The following ABCB6 variants were observed in gnomAD, a reference collection of about 807,000 sequenced individuals.
ABCB6 encodes the protein ATP binding cassette subfamily B member 6 (LAN blood group).
A neutral mutation model predicts 99.4 loss-of-function variants in ABCB6; 87 were observed. The ratio of observed to expected loss-of-function variants is 0.88; its 90% confidence interval spans 0.74 to 1.05. The LOEUF (loss-of-function observed/expected upper bound fraction) is 1.05. Among genes scored for constraint, ABCB6 ranks in the 50% least tolerant of loss-of-function variants. ABCB6 has a pLI of 0.00. For missense variants in ABCB6, 1,050 were observed against 1,097.9 expected, an observed-to-expected ratio of 0.96 and a Z score of 0.62; for synonymous variants, 482 against 447.5, an observed-to-expected ratio of 1.08 and a Z score of -0.97.
Position 219,218,856 on chromosome 2 carries a change from C to A in ABCB6, c.-183G>T. On this transcript the variant is annotated 5_prime_UTR_variant, in exon 1 of 19. Coordinates refer to ENST00000265316, the MANE Select transcript of ABCB6 (RefSeq NM_005689.4). ...CCTCACCGCCCACTCCCCTAGCGCA[C>A]GCGCCGCCGCCACGCACTCACGCAG... The A allele has an allele frequency of 1.6e-6, 1 of 614,770 alleles. No individual in the cohort carries two copies. The highest frequency in any genetic ancestry group is 2.6e-6 in the Non-Finnish European group (1 of 378,996). The allele number at this position is 614,770 out of a possible 1,614,324, so 38.1% of individuals were successfully genotyped here. A position where few individuals can be genotyped will look rare whatever the true frequency, so the allele number is the denominator to read the frequency against.
At chr2:219,214,912 G>T in intron 6 of ABCB6, 49 bp downstream of exon 6, 1 of 1,610,710 alleles carries the variant, frequency 6.2e-7, no homozygotes, top group Non-Finnish European at 8.5e-7. Flanking sequence ...TCATGGCCAA[G>T]GGAGTCCCTG....
intron 9 of ABCB6, 36 bp downstream of exon 9, chr2:219,213,790 T>C (rs201609106): frequency 1.9e-6 from 3 of 1,613,580 alleles, no homozygotes; most frequent in Non-Finnish European, 2.5e-6. Context: ...CCCCTTTTCC[T>C]TGTGCCCCAC....
rs1024153224 is a variant in ABCB6, at chr2:219,216,478, C to T, written c.869-13G>A. 7.4e-6 allele frequency: 12 copies of T among 1,612,528 alleles called. No individual in the cohort carries two copies. Among genetic ancestry groups the T allele is most frequent in the East Asian group, 4.5e-5 (2 of 44,866 alleles). ...GTCAGCAAGTTCACTGTGGAGGAAA[C>T]GAGTCAGAACCCACTTATGGCGCCC... On this transcript the variant is annotated splice_polypyrimidine_tract_variant and intron_variant, in intron 3 of 18. Transcript: ENST00000265316. The surrounding 1 kb of genome is among the most constrained non-coding windows in gnomAD (Gnocchi z 4.2).
At chr2:219,212,603 A>C (rs1574811496) in intron 13 of ABCB6, 112 bp from the exon 14 acceptor site, 2 of 774,338 alleles carry the variant, frequency 2.6e-6, no homozygotes, top group Non-Finnish European at 4.3e-6. Context: ...GCTCACTAGA[A>C]CCTCTGCCTC....
In ABCB6 at chr2:219,213,665, A is replaced by G. The variant is rs199710050; in HGVS notation, c.1580T>C (p.Val527Ala). 9.3e-6 allele frequency: 15 copies of G among 1,613,924 alleles called. No homozygotes were observed. The highest frequency in any genetic ancestry group is 4.5e-5 in the East Asian group (2 of 44,878). Residue 527 changes from valine (V) to alanine (A), a missense_variant and splice_region_variant, in exon 10 of 19, where the codon GTT becomes GCT. Val to Ala is a moderately conservative substitution (Grantham distance 64). Transcript: ENST00000265316. ...AYFVTEQKLQ[V>A]GDYVLFGTYI... Reference sequence around the variant, plus strand: ...GGTGCCAAAGAGCACATAGTCCCCAACCTGTGGCAATCAAGGAAGCAGAGC... The same window carrying G: ...GGTGCCAAAGAGCACATAGTCCCCAGCCTGTGGCAATCAAGGAAGCAGAGC...
At chr2:219,218,045 G>C in intron 1 of ABCB6, 80 bp downstream of exon 1, 1 of 1,499,386 alleles carries the variant, frequency 6.7e-7, no homozygotes. Context: ...CTAAAGCCTG[G>C]AAGCAGTGTG....
At position 219,211,025 on chromosome 2, in the gene ABCB6, G is replaced by C; in HGVS notation, c.2052C>G (p.Ile684Met). The C allele has an allele frequency of 6.2e-7, 1 of 1,614,164 alleles. No individual in the cohort carries two copies. The highest frequency in any genetic ancestry group is 8.5e-7 in the Non-Finnish European group (1 of 1,180,028). The stretch of plus-strand genomic sequence containing the variant: ...TCCCAGCTGTGACACGGCCGTAACG[G>C]ATATTGTCGGCGATGGTGTCATTAA... ...VLFNDTIADN[I>M]RYGRVTAGND... Residue 684 changes from isoleucine (I) to methionine (M), a missense_variant, in exon 15 of 19, where the codon ATC (isoleucine) becomes ATG (methionine). Coordinates refer to ENST00000265316, the MANE Select transcript of ABCB6 (RefSeq NM_005689.4).
chr2:219,216,917 G>A lies in ABCB6; in HGVS notation c.688-85C>T, dbSNP rs1264840676. On this transcript the variant is annotated intron_variant, in intron 2 of 18. Transcript: ENST00000265316. The surrounding 1 kb of genome is among the most constrained non-coding windows in gnomAD (Gnocchi z 4.2). ...AACCCTTCAGGGAAAAACCTATGGGGTTACAGCTCCCAGGTATCTCAGACC... is the reference window on the plus strand; with the variant it reads ...AACCCTTCAGGGAAAAACCTATGGGATTACAGCTCCCAGGTATCTCAGACC... The A allele has an allele frequency of 5.6e-6, 7 of 1,259,136 alleles. No individual in the cohort carries two copies. The highest frequency in any genetic ancestry group is 7.5e-6 in the Non-Finnish European group (7 of 927,458). The allele number at this position is 1,259,136 out of a possible 1,614,324, so 78.0% of individuals were successfully genotyped here.
At chr2:219,214,803 C>T (rs1036053499) in intron 6 of ABCB6, 158 bp downstream of exon 6, 1 of 821,438 alleles carries the variant, frequency 1.2e-6, no homozygotes, top group Non-Finnish European at 1.9e-6. Context: ...TTTGATTTGA[C>T]AGAAGAGACC....
In ABCB6 at chr2:219,218,125, C is replaced by G. The variant is rs551637880; in HGVS notation, c.549G>C (p.Gln183His). 19 of 1,600,200 alleles carry G rather than the reference C, an allele frequency of 1.2e-5. No homozygotes were observed. Among genetic ancestry groups the G allele is most frequent in the Non-Finnish European group, 1.5e-5 (18 of 1,172,736 alleles). ...WWWARADLGQ[Q>H]VQFSLWVLRY... ...TCCCCCTTCCCACAGAGTCCCTCAC[C>G]TGCTGGCCCAAGTCTGCCCTTGCCC... Residue 183 changes from glutamine to histidine, a missense_variant and splice_region_variant, in exon 1 of 19, where the codon CAG becomes CAC. Coordinates refer to ENST00000265316, the MANE Select transcript of ABCB6 (RefSeq NM_005689.4).
intron 1 of ABCB6, 27 bp downstream of exon 1, chr2:219,218,098 C>A: frequency 6.3e-7 from 1 of 1,574,830 alleles, no homozygotes; most frequent in South Asian, 1.2e-5. Flanking sequence ...CCAGCAGAGG[C>A]TTCCCCCTTC....
Position 219,210,787 on chromosome 2 carries a change from A to G in ABCB6, c.2180T>C (p.Leu727Pro). The G allele has an allele frequency of 1.2e-6, 2 of 1,613,828 alleles. No homozygotes were observed. Among genetic ancestry groups the G allele is most frequent in the Non-Finnish European group, 1.7e-6 (2 of 1,180,000 alleles). ...RTQVGERGLK[L>P]SGGEKQRVAI... is the part of the protein sequence containing the mutation. ...GACGCGCTGCTTCTCCCCGCCGCTC[A>G]GCTTCAGTCCCCGCTCGCCCACCTG... Residue 727 changes from leucine (L) to proline (P), a missense_variant, in exon 16 of 19, where the codon CTG becomes CCG. Physicochemically the swap from Leu to Pro is moderately conservative, Grantham distance 98. Coordinates refer to ENST00000265316, the MANE Select transcript of ABCB6 (RefSeq NM_005689.4).
chr2:219,214,042 C>T (rs1358476817), intron 8 of ABCB6, 79 bp downstream of exon 8: 7 of 1,612,752 alleles, frequency 4.3e-6, no homozygotes, highest in Admixed American at 1.7e-5. Flanking sequence ...TACCCCAACA[C>T]TCGACTATCA....
At chr2:219,215,149 C>A in intron 5 of ABCB6, 67 bp from the exon 6 acceptor site, 1 of 1,599,798 alleles carries the variant, frequency 6.3e-7, no homozygotes, top group Non-Finnish European at 8.5e-7. Context: ...TGCCTCTAGG[C>A]ATTTCAGGGT....
At position 219,213,031 on chromosome 2, in the gene ABCB6, TCA is replaced by T; in HGVS notation, c.1838_1839del (p.Val613AspfsTer64). 1 of 1,613,978 alleles carries T rather than the reference TCA, an allele frequency of 6.2e-7. No individual in the cohort carries two copies. On this transcript the variant is annotated frameshift_variant, in exon 13 of 19. Coordinates refer to ENST00000265316, the MANE Select transcript of ABCB6 (RefSeq NM_005689.4). LOFTEE classifies it high-confidence loss of function. ...RETLQDVSFT[V>X]MPGQTLALVG... ...ACCAGGGCAAGTGTCTGTCCAGGCATCACAGTGAAAGACACGTCCTGCAGAGT... is the reference window on the plus strand; with the variant it reads ...ACCAGGGCAAGTGTCTGTCCAGGCATCAGTGAAAGACACGTCCTGCAGAGT...
Position 219,214,416 on chromosome 2 carries a change from T to C in ABCB6, c.1359A>G (p.Ala453=), listed in dbSNP as rs373246472. 1.2e-6 allele frequency: 2 copies of C among 1,614,080 alleles called. No individual in the cohort carries two copies. The highest frequency in any genetic ancestry group is 8.5e-7 in the Non-Finnish European group (1 of 1,180,028). The change falls in exon 7 of 19, where the codon GCA becomes GCG. Residue 453 remains alanine (A), a synonymous_variant. Coordinates refer to ENST00000265316, the MANE Select transcript of ABCB6 (RefSeq NM_005689.4). ...TCTCGAAGTTTAGCAGAGAGTCCAC[T>C]GCTCGTGCCCGGGTAGCGTTCTCCT... The part of the protein sequence containing the change: ...NTQENATRAR[A]VDSLLNFETV...
chr2:219,216,298 G>A lies in ABCB6; in HGVS notation c.970+66C>T, dbSNP rs1044280180. ...GCTGGGGAGGAATGCTGGGAGAGGC[G>A]GATGCTGAGGGAATGCCTGTGGGAG... is the stretch of plus-strand genomic sequence containing the variant. On this transcript the variant is annotated intron_variant, in intron 4 of 18. Coordinates refer to ENST00000265316, the MANE Select transcript of ABCB6 (RefSeq NM_005689.4). The surrounding 1 kb of genome is among the most constrained non-coding windows in gnomAD (Gnocchi z 4.2). The A allele has an allele frequency of 4.0e-5, 63 of 1,585,182 alleles. No individual in the cohort carries two copies. Among genetic ancestry groups the A allele is most frequent in the Non-Finnish European group, 5.3e-5 (61 of 1,155,834 alleles).
At chr2:219,212,913 G>A in intron 13 of ABCB6, 95 bp downstream of exon 13, 1 of 1,376,298 alleles carries the variant, frequency 7.3e-7, no homozygotes, top group Non-Finnish European at 1.0e-6. Flanking sequence ...TCGTGACTGG[G>A]CTCTCTGACT....
At position 219,213,517 on chromosome 2, in the gene ABCB6, T is replaced by C; in HGVS notation, c.1656-15A>G. 2 of 1,614,212 alleles carry C rather than the reference T, an allele frequency of 1.2e-6. No homozygotes were observed. The highest frequency in any genetic ancestry group is 1.7e-6 in the Non-Finnish European group (2 of 1,180,038). On this transcript the variant is annotated splice_polypyrimidine_tract_variant and intron_variant, in intron 10 of 18. Transcript: ENST00000265316. ...TCTGGATCATCCTGCAAAAAGGTGC[T>C]GGTTAGGACTTCTCTGAGTAGCCAG...
Sources: allele counts gnomAD v4.1 joint callset, GRCh38; gene constraint gnomAD v4.1.1; non-coding constraint Gnocchi (gnomAD v3.1); transcripts MANE v1.5; gene names NCBI Gene and HGNC (gene_info 2026-07-23, HGNC 2026-07-21).